ARL15: variants seen among roughly 807,000 people sequenced by gnomAD.
The protein encoded by ARL15 is ARF like GTPase 15.
ARL15 carries 19 observed loss-of-function variants against 25.2 expected under a neutral mutation model. That is an observed-to-expected ratio of 0.75 (90% CI 0.53 to 1.10). ARL15 has a LOEUF of 1.10. ARL15 is among the 50% of genes least tolerant of loss of function. ARL15 has a pLI of 0.00. For synonymous variants in ARL15, 94 were observed against 86.8 expected (o/e 1.08, Z -0.46); for missense variants, 220 against 246.0 (o/e 0.89, Z 0.71).
chr5:54,134,677 C>T (rs1051910363), intron 3 of ARL15, among the ~76,000 whole-genome samples: 14 of 141,196 alleles, frequency 9.9e-5, no homozygotes, highest in Admixed American at 3.0e-4. Flanking sequence ...CTCTGCCTCC[C>T]GGGTTCAAGC....
chr5:53,951,953 T>C (rs925959075), intron 4 of ARL15, among the ~76,000 whole-genome samples: 2 of 150,816 alleles, frequency 1.3e-5, no homozygotes, highest in Admixed American at 1.3e-4. Flanking sequence ...ATCTGTGCTG[T>C]GATTTTGGAA....
intron 1 of ARL15, among the ~76,000 whole-genome samples, chr5:54,212,871 C>CTGG (rs1444968190): frequency 6.6e-6 from 1 of 152,106 alleles, no homozygotes; most frequent in Non-Finnish European, 1.5e-5. Context: ...GAATAGCAGT[C>CTGG]CTGCCAGCCC....
intron 4 of ARL15, among the ~76,000 whole-genome samples, chr5:53,897,378 A>G (rs753027407): frequency 1.3e-5 from 2 of 152,232 alleles, no homozygotes; most frequent in Admixed American, 1.3e-4. Context: ...TTCACTTAAC[A>G]CAATGTTTTC....
chr5:54,173,494 T>C (rs1292457859), intron 1 of ARL15, among the ~76,000 whole-genome samples: 2 of 152,284 alleles, frequency 1.3e-5, no homozygotes, highest in Admixed American at 1.3e-4. Context: ...TGAGTACTAA[T>C]TGGCTGTCAT....
At chr5:54,274,483 T>C (rs1490627031) in intron 1 of ARL15, among the ~76,000 whole-genome samples, 1 of 152,206 alleles carries the variant, frequency 6.6e-6, no homozygotes, top group East Asian at 1.9e-4. Context: ...AGGAGGGACA[T>C]TTGTGGCTCT....
At chr5:54,020,579 T>C (rs958745756) in intron 4 of ARL15, among the ~76,000 whole-genome samples, 33 of 152,134 alleles carry the variant, frequency 2.2e-4, no homozygotes, top group Non-Finnish European at 5.9e-5. Flanking sequence ...CAAAATTTCA[T>C]GAAATAATAG....
chr5:53,958,552 G>A (rs1747248438), intron 4 of ARL15, among the ~76,000 whole-genome samples: 1 of 152,120 alleles, frequency 6.6e-6, no homozygotes, highest in African/African-American at 2.4e-5. Flanking sequence ...TAGCAAAAAG[G>A]TTAAGATTCT....
chr5:54,292,858 G>A (rs73757039), intron 1 of ARL15, among the ~76,000 whole-genome samples: 1,785 of 152,252 alleles, frequency 0.012, 44 homozygotes, highest in African/African-American at 0.041. Flanking sequence ...AGTGGCAGAA[G>A]GTAGACTACT....
intron 1 of ARL15, among the ~76,000 whole-genome samples, chr5:54,193,449 G>A (rs150360822): frequency 6.6e-6 from 1 of 152,272 alleles, no homozygotes; most frequent in East Asian, 1.9e-4. Flanking sequence ...GTGAGCAAGG[G>A]AGCATTGTGG....
chr5:54,145,609 GGTGT>G (rs149049636), intron 3 of ARL15, among the ~76,000 whole-genome samples: 26 of 150,580 alleles, frequency 1.7e-4, no homozygotes, highest in African/African-American at 4.4e-4. Context: ...CTCAGAGGAT[GGTGT>G]GTGTGTGTGT....
At chr5:54,142,855 G>A (rs1753811019) in intron 3 of ARL15, among the ~76,000 whole-genome samples, 1 of 152,134 alleles carries the variant, frequency 6.6e-6, no homozygotes, top group South Asian at 2.1e-4. Context: ...CACAAAGATT[G>A]TCTTATATGT....
In ARL15 at chr5:54,279,612, G is replaced by A. The variant is rs796309828; in HGVS notation, c.48+30820C>T. Among the ~76,000 whole-genome samples the A allele has an allele frequency of 2.0e-5, 3 of 152,126 alleles. No individual in the cohort carries two copies. In the South Asian group the frequency reaches 6.2e-4, roughly 31 times the overall value. ...TCGGAGTCAGGGCTTCAACACATGA[G>A]TTTTGTGTGGGACACAATTAAGATC... On this transcript the variant is annotated intron_variant, in intron 1 of 4. Coordinates refer to ENST00000504924, the MANE Select transcript of ARL15 (RefSeq NM_019087.3).
rs1014653648 is a variant in ARL15, at chr5:54,006,737, A to G, written c.462+106465T>C. 2.6e-5 allele frequency among the ~76,000 whole-genome samples: 4 copies of G among 152,126 alleles called. No individual in the cohort carries two copies. In the East Asian group the frequency reaches 7.7e-4, roughly 29 times the overall value. The stretch of plus-strand genomic sequence containing the variant: ...AATGGATAGGTTCCCTTTTCACTAC[A>G]TGCACCCTTCTATACCTTTTGAATT... On this transcript the variant is annotated intron_variant, in intron 4 of 4. Coordinates refer to ENST00000504924, the MANE Select transcript of ARL15 (RefSeq NM_019087.3).
chr5:53,967,447 A>T (rs918885640), intron 4 of ARL15, among the ~76,000 whole-genome samples: 3 of 152,246 alleles, frequency 2.0e-5, no homozygotes, highest in African/African-American at 7.2e-5. Flanking sequence ...TAGTTTGAGG[A>T]TATGAAGGCT....
chr5:54,280,291 G>C (rs1269803522), intron 1 of ARL15, among the ~76,000 whole-genome samples: 4 of 152,142 alleles, frequency 2.6e-5, no homozygotes, highest in Non-Finnish European at 1.5e-5. Context: ...CTTCTCAGAG[G>C]ATCTGGGAAA....
intron 1 of ARL15, among the ~76,000 whole-genome samples, chr5:54,239,736 C>T (rs1313892656): frequency 6.6e-6 from 1 of 152,110 alleles, no homozygotes; most frequent in African/African-American, 2.4e-5. Context: ...ATGGCTTTAG[C>T]TCAAATAACC....
At position 54,221,791 on chromosome 5, in the gene ARL15, A is replaced by C. The variant is rs562415541; in HGVS notation, c.49-49863T>G. On this transcript the variant is annotated intron_variant, in intron 1 of 4. Transcript: ENST00000504924. ...ACCAAAAAAAAGTCATGGGGGCCAG[A>C]GAAGTAATTTTTAGGTTATTTGGCA... Among the ~76,000 whole-genome samples, 669 of 151,672 alleles carry C rather than the reference A, an allele frequency of 4.4e-3. 5 individuals carry two copies. The highest frequency in any genetic ancestry group is 7.6e-3 in the Non-Finnish European group (515 of 67,900).
At chr5:53,973,542 C>A (rs1189422141) in intron 4 of ARL15, among the ~76,000 whole-genome samples, 2 of 149,734 alleles carry the variant, frequency 1.3e-5, no homozygotes, top group African/African-American at 4.9e-5. Context: ...CCATTGCGCT[C>A]CAGCCTGGGC....
intron 4 of ARL15, among the ~76,000 whole-genome samples, chr5:53,907,851 T>C (rs1167581421): frequency 6.6e-6 from 1 of 152,040 alleles, no homozygotes; most frequent in Admixed American, 6.6e-5. Context: ...AACTGAAATA[T>C]GGAAGAGACC....
Sources: gnomAD v4.1 joint callset for allele counts (sites outside exome capture counted in the v4.1 genomes callset) on GRCh38, gnomAD v4.1.1 for gene constraint, MANE v1.5 for transcripts, NCBI Gene and HGNC (gene_info 2026-07-23, HGNC 2026-07-21) for gene names.